Variants in PPP2R5E observed in about 807,000 individuals in gnomAD.
PPP2R5E encodes the protein serine/threonine-protein phosphatase 2A 56 kDa regulatory subunit epsilon isoform.
A neutral mutation model predicts 65.3 loss-of-function variants in PPP2R5E; 4 were observed. The observed-to-expected ratio is 0.06, with a 90% CI of 0.03 to 0.14. The LOEUF (loss-of-function observed/expected upper bound fraction) is 0.14. Among genes scored for constraint, PPP2R5E ranks in the 10% least tolerant of loss-of-function variants. The pLI is 1.00. For missense variants in PPP2R5E, 274 were observed against 556.1 expected (o/e 0.49, Z 5.10); for synonymous variants, 183 against 187.4 (o/e 0.98, Z 0.19).
At chr14:63,472,593 C>T (rs1369843285) in intron 2 of PPP2R5E, among the ~76,000 whole-genome samples, 1 of 152,144 alleles carries the variant, frequency 6.6e-6, no homozygotes, top group Non-Finnish European at 1.5e-5. Context: ...AATTAGAAAG[C>T]CAGTTAGGTT....
intron 2 of PPP2R5E, among the ~76,000 whole-genome samples, chr14:63,497,316 C>T (rs1891618107): frequency 6.6e-6 from 1 of 152,032 alleles, no homozygotes; most frequent in Non-Finnish European, 1.5e-5. Context: ...AGACTGACTC[C>T]GTGGGATTTC....
chr14:63,493,857 G>A (rs548353579), intron 2 of PPP2R5E, among the ~76,000 whole-genome samples: 2 of 152,148 alleles, frequency 1.3e-5, no homozygotes, highest in East Asian at 1.9e-4. Context: ...CAGTAATGAT[G>A]GTCAAGTATT....
At chr14:63,525,945 C>T (rs1893168568) in intron 2 of PPP2R5E, among the ~76,000 whole-genome samples, 1 of 152,264 alleles carries the variant, frequency 6.6e-6, no homozygotes, top group Non-Finnish European at 1.5e-5. Flanking sequence ...CAACCTCCGC[C>T]GCATGGGTTC....
In PPP2R5E at chr14:63,437,535, C is replaced by T. The variant is rs537313141; in HGVS notation, c.355-15441G>A. ...CAGCACAAATACAAAACTTAATTTT[C>T]CAACAGTTTCTCTATTGTCTACAAT... is the stretch of plus-strand genomic sequence containing the variant. On this transcript the variant is annotated intron_variant, in intron 3 of 13. Transcript: ENST00000337537. Among the ~76,000 whole-genome samples, 57 of 152,216 alleles carry T rather than the reference C, an allele frequency of 3.7e-4. 1 individual carries two copies. Among genetic ancestry groups the T allele is most frequent in the Admixed American group, 2.4e-3 (37 of 15,282 alleles).
intron 3 of PPP2R5E, among the ~76,000 whole-genome samples, chr14:63,433,078 C>T (rs1266462908): frequency 2.8e-4 from 39 of 139,940 alleles, no homozygotes; most frequent in Non-Finnish European, 3.5e-4. Flanking sequence ...CACTGTGTCA[C>T]CCAGGCTGGA....
At chr14:63,524,212 T>G (rs1893088366) in intron 2 of PPP2R5E, among the ~76,000 whole-genome samples, 1 of 152,224 alleles carries the variant, frequency 6.6e-6, no homozygotes, top group South Asian at 2.1e-4. Context: ...TTAACGTCAC[T>G]GTGAGACAAA....
intron 2 of PPP2R5E, among the ~76,000 whole-genome samples, chr14:63,471,686 A>C (rs548069171): frequency 4.6e-5 from 7 of 152,224 alleles, no homozygotes; most frequent in South Asian, 4.2e-4. Flanking sequence ...CAACTTGCCC[A>C]CCATCACACA....
intron 4 of PPP2R5E, among the ~76,000 whole-genome samples, chr14:63,416,644 C>A (rs1432073066): frequency 6.7e-6 from 1 of 150,100 alleles, no homozygotes; most frequent in Non-Finnish European, 1.5e-5. Context: ...GTGAAAAAAA[C>A]TTTAAAATTT....
chr14:63,404,222 A>C lies in PPP2R5E; in HGVS notation c.550-7506T>G, dbSNP rs369246817. ...TCATTAAGAGCAAAAGGTTTCGAGC[A>C]AAACAACCCAGTTGCTCTCTGCTAT... On this transcript the variant is annotated intron_variant, in intron 5 of 13. Transcript: ENST00000337537. Among the ~76,000 whole-genome samples, 17 of 152,370 alleles carry C rather than the reference A, an allele frequency of 1.1e-4. No individual in the cohort carries two copies. The East Asian group carries it at 1.5e-3, about 14-fold the overall frequency.
chr14:63,435,626 A>C (rs1249351237), intron 3 of PPP2R5E, among the ~76,000 whole-genome samples: 1 of 152,176 alleles, frequency 6.6e-6, no homozygotes, highest in African/African-American at 2.4e-5. Context: ...GATTAAGTCT[A>C]ACCTCCTCTG....
intron 2 of PPP2R5E, among the ~76,000 whole-genome samples, chr14:63,520,131 G>C (rs562470430): frequency 6.6e-6 from 1 of 151,926 alleles, no homozygotes; most frequent in African/African-American, 2.4e-5. Context: ...CGCCTCCCGG[G>C]TTCACGCCAT....
chr14:63,506,661 T>A lies in PPP2R5E; in HGVS notation c.157+32868A>T, dbSNP rs376411237. Reference sequence around the variant, plus strand: ...AGAAAATAATACGTGTTGGCAAAGATGTAGAGAAATTAAATCCCTCATACC... The same window carrying A: ...AGAAAATAATACGTGTTGGCAAAGAAGTAGAGAAATTAAATCCCTCATACC... On this transcript the variant is annotated intron_variant, in intron 2 of 13. Transcript: ENST00000337537. Among the ~76,000 whole-genome samples the A allele has an allele frequency of 1.2e-4, 19 of 152,210 alleles. No individual in the cohort carries two copies. The South Asian group carries it at 3.9e-3, about 32-fold the overall frequency.
chr14:63,531,657 A>AAC (rs148804370), intron 2 of PPP2R5E, among the ~76,000 whole-genome samples: 26 of 151,848 alleles, frequency 1.7e-4, no homozygotes, highest in Middle Eastern at 3.4e-3. Context: ...TTATTTTTTA[A>AAC]ACACACACAC....
chr14:63,534,034 C>T (rs983592357), intron 2 of PPP2R5E, among the ~76,000 whole-genome samples: 2 of 152,188 alleles, frequency 1.3e-5, no homozygotes, highest in Admixed American at 6.5e-5. Flanking sequence ...AAAACGTTCA[C>T]CCAAATCTAA....
chr14:63,447,960 G>A (rs575244768), intron 3 of PPP2R5E, among the ~76,000 whole-genome samples: 3 of 152,292 alleles, frequency 2.0e-5, no homozygotes, highest in South Asian at 2.1e-4. Flanking sequence ...TATCGATTAA[G>A]TTTGCTGTAG....
intron 2 of PPP2R5E, among the ~76,000 whole-genome samples, chr14:63,457,597 T>C (rs1889192511): frequency 6.6e-6 from 1 of 152,172 alleles, no homozygotes; most frequent in African/African-American, 2.4e-5. Flanking sequence ...GACCAGGCAG[T>C]GGATGCTTCC....
chr14:63,488,805 C>T (rs2139624332), intron 2 of PPP2R5E, among the ~76,000 whole-genome samples: 1 of 151,976 alleles, frequency 6.6e-6, no homozygotes, highest in East Asian at 1.9e-4. Context: ...GCCAAGATCG[C>T]ACCACTGTAC....
At chr14:63,409,499 GATGA>G (rs1191497521) in intron 5 of PPP2R5E, among the ~76,000 whole-genome samples, 2 of 152,180 alleles carry the variant, frequency 1.3e-5, no homozygotes, top group Non-Finnish European at 1.5e-5. Flanking sequence ...GTTGTGAAAA[GATGA>G]ATTAATATTT....
chr14:63,416,770 T>C (rs142774486), intron 4 of PPP2R5E, among the ~76,000 whole-genome samples: 78 of 152,266 alleles, frequency 5.1e-4, no homozygotes, highest in African/African-American at 1.5e-3. Flanking sequence ...CATTGTTTTA[T>C]AGTTTTATAA....
Sources: gnomAD v4.1 joint callset for allele counts (sites outside exome capture counted in the v4.1 genomes callset) on GRCh38, gnomAD v4.1.1 for gene constraint, MANE v1.5 for transcripts, NCBI Gene and HGNC (gene_info 2026-07-23, HGNC 2026-07-21) for gene names.